The following CHCHD3 variants were observed in gnomAD, a reference collection of about 807,000 sequenced individuals.
CHCHD3 encodes MICOS complex subunit MIC19.
CHCHD3 carries 20 observed loss-of-function variants against 38.2 expected under a neutral mutation model. The ratio of observed to expected loss-of-function variants is 0.52; its 90% CI spans 0.37 to 0.76. CHCHD3 has a LOEUF of 0.76. CHCHD3 is among the 30% of genes least tolerant of loss of function. The pLI is 0.00. For missense variants in CHCHD3, 245 were observed against 279.2 expected, an observed-to-expected ratio of 0.88 and a Z score of 0.87; for synonymous variants, 82 against 100.0, an observed-to-expected ratio of 0.82 and a Z score of 1.07.
intron 5 of CHCHD3, among the ~76,000 whole-genome samples, chr7:132,853,044 T>C (rs142128792): frequency 7.2e-4 from 109 of 152,292 alleles, no homozygotes; most frequent in African/African-American, 2.3e-3. Context: ...CAGAATCAAA[T>C]CTATTTGCTC....
intron 4 of CHCHD3, among the ~76,000 whole-genome samples, chr7:132,950,769 G>A (rs1244741007): frequency 6.6e-6 from 1 of 152,172 alleles, no homozygotes. Flanking sequence ...AGGTTGCTAT[G>A]TGGTTTCTTG....
At position 132,892,139 on chromosome 7, in the gene CHCHD3, G is replaced by A. The variant is rs554228569; in HGVS notation, c.370-6394C>T. 5.9e-5 allele frequency among the ~76,000 whole-genome samples: 9 copies of A among 152,330 alleles called. No homozygotes were observed. In the South Asian group the frequency reaches 6.2e-4, roughly 11 times the overall value. ...GTTTGGAACTGGGTAATGGACAGAC[G>A]TTGGGACAATTTGGAGATCTCAGAA... On this transcript the variant is annotated intron_variant, in intron 4 of 7. Transcript: ENST00000262570.
At chr7:132,869,264 C>T (rs1286607276) in intron 5 of CHCHD3, among the ~76,000 whole-genome samples, 1 of 152,162 alleles carries the variant, frequency 6.6e-6, no homozygotes, top group Non-Finnish European at 1.5e-5. Flanking sequence ...CCTCTAGAAC[C>T]TGGTTTCTTC....
intron 4 of CHCHD3, among the ~76,000 whole-genome samples, chr7:132,924,344 G>T (rs1810326509): frequency 6.6e-6 from 1 of 152,070 alleles, no homozygotes; most frequent in African/African-American, 2.4e-5. Flanking sequence ...ATAAATCACA[G>T]AATGAAGTAC....
At chr7:132,863,492 G>T (rs2117136592) in intron 5 of CHCHD3, among the ~76,000 whole-genome samples, 1 of 152,304 alleles carries the variant, frequency 6.6e-6, no homozygotes, top group East Asian at 1.9e-4. Context: ...TAATTCTGCA[G>T]GACCCTAGGA....
intron 3 of CHCHD3, among the ~76,000 whole-genome samples, chr7:132,990,951 TACAC>T (rs768136991): frequency 0.019 from 2,715 of 143,776 alleles, 58 homozygotes; most frequent in African/African-American, 0.051. Context: ...CAGACACACA[TACAC>T]ACACACACAC....
chr7:132,929,342 G>T (rs1810462381), intron 4 of CHCHD3, among the ~76,000 whole-genome samples: 1 of 151,796 alleles, frequency 6.6e-6, no homozygotes, highest in African/African-American at 2.4e-5. Context: ...AACACTCATG[G>T]TTCATCCTCC....
At chr7:132,937,402 T>G (rs1810656605) in intron 4 of CHCHD3, among the ~76,000 whole-genome samples, 2 of 152,204 alleles carry the variant, frequency 1.3e-5, no homozygotes, top group Middle Eastern at 3.2e-3. Context: ...ATGCATTATA[T>G]AAATTTCACA....
Position 133,003,815 on chromosome 7 carries a change from C to T in CHCHD3, c.251+20731G>A, listed in dbSNP as rs891169425. On this transcript the variant is annotated intron_variant, in intron 3 of 7. Coordinates refer to ENST00000262570, the MANE Select transcript of CHCHD3 (RefSeq NM_017812.4). ...TAAAAATACACGGAGGATAAAAATA[C>T]CTTGAAAAGAAACATATGACATCAT... is the stretch of plus-strand genomic sequence containing the variant. Among the ~76,000 whole-genome samples, 103 of 152,132 alleles carry T rather than the reference C, an allele frequency of 6.8e-4. 1 individual carries two copies. The highest frequency in any genetic ancestry group is 1.3e-4 in the Non-Finnish European group (9 of 68,022).
chr7:133,048,637 T>C (rs958661634), intron 2 of CHCHD3, among the ~76,000 whole-genome samples: 3 of 152,102 alleles, frequency 2.0e-5, no homozygotes, highest in African/African-American at 4.8e-5. Flanking sequence ...TCATAGACAA[T>C]TGGAAAATCA....
chr7:133,046,449 T>C (rs1322376855), intron 2 of CHCHD3, among the ~76,000 whole-genome samples: 1 of 152,236 alleles, frequency 6.6e-6, no homozygotes, highest in Non-Finnish European at 1.5e-5. Flanking sequence ...GAAATAATAG[T>C]AGTTAATACA....
intron 7 of CHCHD3, among the ~76,000 whole-genome samples, chr7:132,790,016 A>G (rs1806418649): frequency 6.6e-6 from 1 of 152,234 alleles, no homozygotes; most frequent in Non-Finnish European, 1.5e-5. Context: ...ATTTATGGGA[A>G]GCACAAAGCG....
Position 132,897,816 on chromosome 7 carries a change from C to T in CHCHD3, c.370-12071G>A, listed in dbSNP as rs925944873. Among the ~76,000 whole-genome samples the T allele has an allele frequency of 3.9e-5, 6 of 152,296 alleles. 1 individual carries two copies. Among genetic ancestry groups the T allele is most frequent in the Admixed American group, 3.9e-4 (6 of 15,292 alleles). ...GTTCAGGTCTTCTGGAATGCAGATG[C>T]TAATGTGTCCGGAATTGGTGGGTTC... On this transcript the variant is annotated intron_variant, in intron 4 of 7. Coordinates refer to ENST00000262570, the MANE Select transcript of CHCHD3 (RefSeq NM_017812.4).
intron 6 of CHCHD3, among the ~76,000 whole-genome samples, chr7:132,826,288 A>G (rs529267614): frequency 6.6e-6 from 1 of 152,346 alleles, no homozygotes; most frequent in East Asian, 1.9e-4. Context: ...GTAATTGGCA[A>G]ATAGCTTACT....
intron 3 of CHCHD3, among the ~76,000 whole-genome samples, chr7:132,991,939 T>C (rs1299842041): frequency 6.6e-6 from 1 of 152,214 alleles, no homozygotes; most frequent in Admixed American, 6.5e-5. Context: ...TTAAGTATTA[T>C]CCTAAGATGG....
intron 3 of CHCHD3, among the ~76,000 whole-genome samples, chr7:133,013,317 A>C (rs1812936269): frequency 6.6e-6 from 1 of 151,906 alleles, no homozygotes; most frequent in Non-Finnish European, 1.5e-5. Flanking sequence ...CCAGATGCCG[A>C]CTGCCTGCGT....
intron 4 of CHCHD3, among the ~76,000 whole-genome samples, chr7:132,938,731 C>G (rs1810690729): frequency 6.6e-6 from 1 of 152,096 alleles, no homozygotes; most frequent in South Asian, 2.1e-4. Flanking sequence ...GCAGTGTGTC[C>G]CCGACACCGG....
At chr7:132,853,561 G>A (rs1278573866) in intron 5 of CHCHD3, among the ~76,000 whole-genome samples, 1 of 152,200 alleles carries the variant, frequency 6.6e-6, no homozygotes, top group Non-Finnish European at 1.5e-5. Flanking sequence ...GGCGGAGGTT[G>A]TAGGGAGCTG....
chr7:132,973,817 A>G, intron 4 of CHCHD3: 2 of 1,105,692 alleles, frequency 1.8e-6, no homozygotes, highest in South Asian at 2.2e-5. Flanking sequence ...GTGTTTCCCA[A>G]TTGCCTAGTG....
Sources: gnomAD v4.1 joint callset for allele counts (sites outside exome capture counted in the v4.1 genomes callset) on GRCh38, gnomAD v4.1.1 for gene constraint, MANE v1.5 for transcripts, NCBI Gene and HGNC (gene_info 2026-07-23, HGNC 2026-07-21) for gene names.